Variants in CPSF1 observed in about 807,000 individuals in gnomAD.
CPSF1 encodes the protein cleavage and polyadenylation specificity factor subunit 1.
A neutral mutation model predicts 175.8 loss-of-function variants in CPSF1; 106 were observed. That is an observed-to-expected ratio of 0.60 (90% CI 0.52 to 0.71). The LOEUF (loss-of-function observed/expected upper bound fraction) is 0.71. Ranked by LOEUF, CPSF1 falls within the 30% of genes least tolerant of loss-of-function variation. The pLI is 0.00. For synonymous variants in CPSF1, 1,024 were observed against 858.3 expected, an observed-to-expected ratio of 1.19 and a Z score of -3.37; for missense variants, 1,734 against 2,022.9, an observed-to-expected ratio of 0.86 and a Z score of 2.74.
At position 144,393,991 on chromosome 8, in the gene CPSF1, G is replaced by A. The variant is rs1554862514; in HGVS notation, c.3907C>T (p.His1303Tyr). 1 of 1,613,330 alleles carries A rather than the reference G, an allele frequency of 6.2e-7. No homozygotes were observed. The highest frequency in any genetic ancestry group is 1.1e-5 in the South Asian group (1 of 91,074). ...AACGTGTTCACGTGGGCACCCACGT[G>A]GAAGTCTGCCCGACGCAGCAGGCGC... Reference protein sequence around the residue: ...GMRLLRRADFHVGAHVNTFWR... With the variant: ...GMRLLRRADFYVGAHVNTFWR... Residue 1303 changes from histidine (H) to tyrosine (Y), a missense_variant, in exon 35 of 38, where the codon CAC (histidine) becomes TAC (tyrosine). By Grantham distance (83) the His-to-Tyr change is moderately conservative (BLOSUM62 2). This residue lies in a region of CPSF1 where 323 missense variants were observed against 338.5 expected (regional missense o/e 0.95). Transcript: ENST00000616140.
Position 144,399,041 on chromosome 8 carries a change from G to T in CPSF1, c.1468-3C>A. 6.3e-7 allele frequency: 1 copy of T among 1,588,922 alleles called. No homozygotes were observed. The highest frequency in any genetic ancestry group is 8.6e-7 in the Non-Finnish European group (1 of 1,168,312). On this transcript the variant is annotated splice_region_variant and splice_polypyrimidine_tract_variant and intron_variant, in intron 15 of 37. Transcript: ENST00000616140. The surrounding 1 kb of genome is among the most constrained non-coding windows in gnomAD (Gnocchi z 6.4). ...TCCGGCTCGGGGCTGTTCTGAAACT[G>T]CACAGGACTCGGGGGTGAGGACTAT...
rs545383870 is a variant in CPSF1 at position 144,397,775 on chromosome 8, GCCACTGC to G, written c.2171_2177del (p.Arg724ProfsTer83). On this transcript the variant is annotated frameshift_variant, in exon 21 of 38. Coordinates refer to ENST00000616140, the MANE Select transcript of CPSF1 (RefSeq NM_013291.3). LOFTEE classifies it high-confidence loss of function. ...CTGAGCCCAGGCCCTCGGCCTCCGG[GCCACTGC>G]GGCCCCCGAGCTCGTCACGGGCCCC... is the stretch of plus-strand genomic sequence containing the variant. 891 of 1,609,664 alleles carry G rather than the reference GCCACTGC, an allele frequency of 5.5e-4. 2 individuals carry two copies. Among genetic ancestry groups the G allele is most frequent in the African/African-American group, 5.4e-3 (407 of 74,976 alleles).
chr8:144,400,135 G>GGGCCCCCCCCCCCCCCCCCCCCCCC (rs1821085595), intron 9 of CPSF1, 31 bp downstream of exon 9: 25 of 896,734 alleles, frequency 2.8e-5, no homozygotes, highest in Non-Finnish European at 3.7e-5. Flanking sequence ...CCGTCCCCGG[G>GGGCCCCCCCCCCCCCCCCCCCCCCC]CCCCCCCCGC....
rs1554862601 is a variant in CPSF1, at chr8:144,394,149, C to T, written c.3823G>A (p.Asp1275Asn). 4.3e-6 allele frequency: 7 copies of T among 1,612,830 alleles called. No homozygotes were observed. Among genetic ancestry groups the T allele is most frequent in the East Asian group, 4.5e-5 (2 of 44,874 alleles). Residue 1275 changes from aspartate to asparagine, a missense_variant, in exon 34 of 38, where the codon GAC becomes AAC. Coordinates refer to ENST00000616140, the MANE Select transcript of CPSF1 (RefSeq NM_013291.3). The part of the protein sequence containing the change: ...AQLGFLVSDR[D>N]RNLMVYMYLP... ...TACATGTACACCATGAGGTTGCGGT[C>T]GCGGTCAGACACTGGGGAGCAGAGG...
chr8:144,394,623 C>T lies in CPSF1; in HGVS notation c.3567+21G>A, dbSNP rs528682775. The T allele has an allele frequency of 2.0e-5, 32 of 1,602,092 alleles. No homozygotes were observed. The African/African-American group carries it at 2.0e-4, about 10-fold the overall frequency. On this transcript the variant is annotated intron_variant, in intron 31 of 37. Coordinates refer to ENST00000616140, the MANE Select transcript of CPSF1 (RefSeq NM_013291.3). Reference sequence around the variant, plus strand: ...GGGTGAGGGTGAGCCGGGGGACACACGCCGGGTGGGACTGGCACACCTTCT... The same window carrying T: ...GGGTGAGGGTGAGCCGGGGGACACATGCCGGGTGGGACTGGCACACCTTCT...
intron 4 of CPSF1, 36 bp from the exon 5 acceptor site, chr8:144,401,327 C>T: frequency 1.3e-6 from 2 of 1,597,714 alleles, no homozygotes; most frequent in East Asian, 4.6e-5. Flanking sequence ...CTGCCGACTG[C>T]CGGTCCTGAC....
Position 144,398,587 on chromosome 8 carries a change from C to T in CPSF1, c.1690G>A (p.Glu564Lys). 2 of 1,613,956 alleles carry T rather than the reference C, an allele frequency of 1.2e-6. No homozygotes were observed. The highest frequency in any genetic ancestry group is 1.7e-6 in the Non-Finnish European group (2 of 1,179,978). ...GTEQEPSTTP[E>K]ADDDGRRHGF... is the part of the protein sequence containing the mutation. Reference sequence around the variant, plus strand: ...TGTCTGCGGCCGTCGTCGTCTGCTTCAGGGGTGGTGCTGGGTTCCTGCTCT... The same window carrying T: ...TGTCTGCGGCCGTCGTCGTCTGCTTTAGGGGTGGTGCTGGGTTCCTGCTCT... The change falls in exon 18 of 38, where the codon GAA (glutamate) becomes AAA (lysine). Residue 564 changes from glutamate to lysine, a missense_variant. Glu to Lys is a moderately conservative substitution (Grantham distance 56). Coordinates refer to ENST00000616140, the MANE Select transcript of CPSF1 (RefSeq NM_013291.3).
At position 144,396,604 on chromosome 8, in the gene CPSF1, G is replaced by A. The variant is rs782664407; in HGVS notation, c.2820C>T (p.Tyr940=). ...TGCAAAGGCGCTGGCCTACCCCTGAGTAGCCATAAATATCCTCGAAGTAGC... is the reference window on the plus strand; with the variant it reads ...TGCAAAGGCGCTGGCCTACCCCTGAATAGCCATAAATATCCTCGAAGTAGC... ...RFRYFEDIYG[Y]SGVFICGPSP... The change falls in exon 25 of 38, where the codon TAC becomes TAT. Residue 940 remains tyrosine (Y), a synonymous_variant. Coordinates refer to ENST00000616140, the MANE Select transcript of CPSF1 (RefSeq NM_013291.3). 24 of 1,612,452 alleles carry A rather than the reference G, an allele frequency of 1.5e-5. No individual in the cohort carries two copies. In the East Asian group the frequency reaches 2.0e-4, roughly 13 times the overall value.
intron 23 of CPSF1, 39 bp downstream of exon 23, chr8:144,397,168 G>C: frequency 1.3e-6 from 2 of 1,504,442 alleles, no homozygotes; most frequent in Non-Finnish European, 1.8e-6. Flanking sequence ...CAGGGCCAGG[G>C]GGAAGATGGG....
At position 144,400,156 on chromosome 8, in the gene CPSF1, C is replaced by A. The variant is rs2116872815; in HGVS notation, c.937+10G>T. On this transcript the variant is annotated intron_variant, in intron 9 of 37. Transcript: ENST00000616140. ...CCGGGCCCCCCCCGCCCCAGCCACC[C>A]CACACTCACGAAGCGGGAAAGCCGT... is the stretch of plus-strand genomic sequence containing the variant. 1 of 1,538,818 alleles carries A rather than the reference C, an allele frequency of 6.5e-7. No homozygotes were observed. The highest frequency in any genetic ancestry group is 1.9e-5 in the Admixed American group (1 of 52,192).
rs201892110 is a variant in CPSF1, at chr8:144,397,507, G to A, written c.2365C>T (p.Arg789Trp). The A allele has an allele frequency of 9.0e-5, 142 of 1,585,116 alleles. 1 individual carries two copies. The highest frequency in any genetic ancestry group is 1.7e-4 in the Middle Eastern group (1 of 5,950). Residue 789 changes from arginine to tryptophan, a missense_variant, in exon 22 of 38, where the codon CGG becomes TGG. By Grantham distance (101) the Arg-to-Trp change is moderately radical (BLOSUM62 -3). This residue lies in a region of CPSF1 where 585 missense variants were observed against 584.7 expected (regional missense o/e 1.00). Transcript: ENST00000616140. ...CCTACCTCCATGGTGCCATTCTCCC[G>A]CACCAGCAGGCACCAGTGGGTAGGC... Reference protein sequence around the residue: ...AEPTHWCLLVRENGTMEIYQL... With the variant: ...AEPTHWCLLVWENGTMEIYQL...
At chr8:144,405,775 C>G (rs779386431) in intron 2 of CPSF1, among the ~76,000 whole-genome samples, 2 of 152,202 alleles carry the variant, frequency 1.3e-5, no homozygotes, top group African/African-American at 2.4e-5. Flanking sequence ...CAGCTTCTGC[C>G]TTAGCCTCCT....
chr8:144,393,442 G>A lies in CPSF1; in HGVS notation c.4284+10C>T, dbSNP rs368840387. 1.0e-3 allele frequency: 1,543 copies of A among 1,544,694 alleles called. 18 individuals carry two copies. In the African/African-American group the frequency reaches 0.019, roughly 19 times the overall value. On this transcript the variant is annotated intron_variant, in intron 37 of 37. Coordinates refer to ENST00000616140, the MANE Select transcript of CPSF1 (RefSeq NM_013291.3). ...GGGCGGGGCGCGCGGGGGGCGGGGC[G>A]CGCACTCACTATGTCTGGTGTGGTG...
rs1554866650 is a variant in CPSF1, at chr8:144,400,906, G to A, written c.539+18C>T. The A allele has an allele frequency of 6.2e-7, 1 of 1,602,872 alleles. No individual in the cohort carries two copies. On this transcript the variant is annotated intron_variant, in intron 6 of 37. Transcript: ENST00000616140. ...GCCTCCCACCCCAGCACCACAGCCT[G>A]CCTCAGCTGGCACTCACCCCTCACC...
chr8:144,396,720 G>T lies in CPSF1; in HGVS notation c.2704C>A (p.Arg902Ser). Reference sequence around the variant, plus strand: ...TTGGATGGCTTTGGCTTCTTCTCACGGAAGTTGATGTTGTGAGGGACCTGG... The same window carrying T: ...TTGGATGGCTTTGGCTTCTTCTCACTGAAGTTGATGTTGTGAGGGACCTGG... ...FKKVPHNINF[R>S]EKKPKPSKKK... is the part of the protein sequence containing the mutation. The change falls in exon 25 of 38, where the codon CGT (arginine) becomes AGT (serine). Residue 902 changes from arginine to serine, a missense_variant. This residue lies in a region of CPSF1 where 585 missense variants were observed against 584.7 expected (regional missense o/e 1.00). Transcript: ENST00000616140. The T allele has an allele frequency of 4.3e-6, 7 of 1,613,936 alleles. No individual in the cohort carries two copies. The highest frequency in any genetic ancestry group is 5.9e-6 in the Non-Finnish European group (7 of 1,180,012).
rs374566336 is a variant in CPSF1, at chr8:144,396,518, G to A, written c.2827-18C>T. ...ATGAAGACCTGGGGGCAGGCACCGT[G>A]AGGATGCTGTGGATGAGGATGCTGC... is the stretch of plus-strand genomic sequence containing the variant. On this transcript the variant is annotated intron_variant, in intron 25 of 37. Transcript: ENST00000616140. 1.9e-6 allele frequency: 3 copies of A among 1,611,174 alleles called. No homozygotes were observed. Among genetic ancestry groups the A allele is most frequent in the African/African-American group, 2.7e-5 (2 of 74,874 alleles).
Position 144,397,667 on chromosome 8 carries a change from G to A in CPSF1, c.2211-6C>T, listed in dbSNP as rs1554864487. The A allele has an allele frequency of 6.5e-6, 10 of 1,542,872 alleles. No homozygotes were observed. The highest frequency in any genetic ancestry group is 8.8e-6 in the Non-Finnish European group (10 of 1,141,238). On this transcript the variant is annotated splice_region_variant and splice_polypyrimidine_tract_variant and intron_variant, in intron 21 of 37. Coordinates refer to ENST00000616140, the MANE Select transcript of CPSF1 (RefSeq NM_013291.3). ...CCTCGTCATCCACTGTGGGGCTGGGGGCCAGCAGAAGGTCATGGGCGGCCT... is the reference window on the plus strand; with the variant it reads ...CCTCGTCATCCACTGTGGGGCTGGGAGCCAGCAGAAGGTCATGGGCGGCCT...
intron 2 of CPSF1, among the ~76,000 whole-genome samples, chr8:144,408,809 G>A (rs2116911890): frequency 3.9e-5 from 6 of 152,316 alleles, no homozygotes; most frequent in African/African-American, 7.2e-5. Flanking sequence ...CTTCCCGGTG[G>A]GGTAGGAAGG....
In CPSF1 at chr8:144,393,420, C is replaced by CG. The variant is rs1820454020; in HGVS notation, c.4284+31dup. 3 of 493,518 alleles carry CG rather than the reference C, an allele frequency of 6.1e-6. No individual in the cohort carries two copies. In the East Asian group the frequency reaches 1.6e-4, roughly 26 times the overall value. The allele number at this position is 493,518 out of a possible 1,614,324, so 30.6% of individuals were successfully genotyped here. Reference sequence around the variant, plus strand: ...GTGGGTGGGGATGCACACGGAGGGGCGGGGCGCGCGGGGGGCGGGGCGCGC... The same window carrying CG: ...GTGGGTGGGGATGCACACGGAGGGGCGGGGGCGCGCGGGGGGCGGGGCGCGC... On this transcript the variant is annotated intron_variant, in intron 37 of 37. Coordinates refer to ENST00000616140, the MANE Select transcript of CPSF1 (RefSeq NM_013291.3).
Sources: allele counts gnomAD v4.1 joint callset (sites outside exome capture counted in the v4.1 genomes callset), GRCh38; gene constraint gnomAD v4.1.1; regional missense constraint gnomAD v4.1.1; non-coding constraint Gnocchi (gnomAD v3.1); transcripts MANE v1.5; gene names NCBI Gene and HGNC (gene_info 2026-07-23, HGNC 2026-07-21).